TTC34: variants seen among roughly 807,000 people sequenced by gnomAD.
TTC34 encodes the protein tetratricopeptide repeat protein 34.
A neutral mutation model predicts 40.7 loss-of-function variants in TTC34; 44 were observed. That is an observed-to-expected ratio of 1.08 (90% CI 0.85 to 1.39). The LOEUF is 1.39. Ranked by LOEUF, TTC34 falls within the 40% of genes most tolerant of loss-of-function variation. The pLI is 0.00. For synonymous variants in TTC34, 422 were observed against 398.6 expected (o/e 1.06, Z -0.70); for missense variants, 884 against 838.0 (o/e 1.05, Z -0.68).
rs1197944813 is a variant in TTC34 at position 2,691,182 on chromosome 1, C to T, written c.2227-45619G>A. ...GACAGACTGGAACAGCACCCTGCTTCCCCAGGTGAGCATCTGACGGCCTGG... is the reference window on the plus strand; with the variant it reads ...GACAGACTGGAACAGCACCCTGCTTTCCCAGGTGAGCATCTGACGGCCTGG... On this transcript the variant is annotated intron_variant, in intron 6 of 8. Transcript: ENST00000401095. 5.4e-5 allele frequency among the ~76,000 whole-genome samples: 4 copies of T among 73,404 alleles called. 2 individuals are homozygous for T. The highest frequency in any genetic ancestry group is 1.3e-4 in the Non-Finnish European group (4 of 30,884). The allele number at this position is 73,404 out of a possible 152,430, so 48.2% of individuals were successfully genotyped here.
exon 2 of TTC34, chr1:2,800,441 C>T: frequency 2.5e-6 from 1 of 398,492 alleles, no homozygotes. Flanking sequence ...CATGAGAGTC[C>T]AGCAGGGCGC....
At chr1:2,685,879 C>T (rs199672037) in intron 6 of TTC34, among the ~76,000 whole-genome samples, 6 of 97,090 alleles carry the variant, frequency 6.2e-5, no homozygotes, top group African/African-American at 9.8e-5. Context: ...GCACCCTGCA[C>T]CCCCAGGTGA....
intron 2 of TTC34, among the ~76,000 whole-genome samples, chr1:2,792,779 A>AT (rs1286929750): frequency 6.6e-6 from 1 of 152,060 alleles, no homozygotes; most frequent in Non-Finnish European, 1.5e-5. Context: ...CTTTCCATCC[A>AT]TTTTTCTCAG....
intron 6 of TTC34, among the ~76,000 whole-genome samples, chr1:2,698,495 G>A (rs1421230278): frequency 7.7e-6 from 1 of 129,834 alleles, no homozygotes. Flanking sequence ...ACTCCCAGGC[G>A]AGCATCTGAC....
At position 2,750,763 on chromosome 1, in the gene TTC34, A is replaced by G. The variant is rs1641293333; in HGVS notation, c.2226+32846T>C. On this transcript the variant is annotated intron_variant, in intron 6 of 8. Coordinates refer to ENST00000401095, the Ensembl canonical transcript of TTC34. The stretch of plus-strand genomic sequence containing the variant: ...CATCTGATGGTCTGGAGCAGCACGC[A>G]TAAACACAGGTGAACATCGGAGAGT... Among the ~76,000 whole-genome samples, 2 of 91,630 alleles carry G rather than the reference A, an allele frequency of 2.2e-5. 1 individual carries two copies. The highest frequency in any genetic ancestry group is 9.1e-5 in the African/African-American group (2 of 21,932). The allele number at this position is 91,630 out of a possible 152,430, so 60.1% of individuals were successfully genotyped here. A position where few individuals can be genotyped will look rare whatever the true frequency, so the allele number is the denominator to read the frequency against.
intron 6 of TTC34, among the ~76,000 whole-genome samples, chr1:2,768,407 A>G (rs1641861854): frequency 6.6e-6 from 1 of 151,644 alleles, no homozygotes; most frequent in Non-Finnish European, 1.5e-5. Context: ...GCCCGGAACA[A>G]CACCCTCCAC....
At chr1:2,777,773 C>A (rs1643326146) in intron 6 of TTC34, among the ~76,000 whole-genome samples, 1 of 152,128 alleles carries the variant, frequency 6.6e-6, no homozygotes, top group Admixed American at 6.5e-5. Flanking sequence ...CTCCTACCGT[C>A]ACTCCCACAT....
chr1:2,684,796 C>T (rs536977490), intron 6 of TTC34, among the ~76,000 whole-genome samples: 72 of 97,162 alleles, frequency 7.4e-4, no homozygotes, highest in African/African-American at 3.1e-3. Flanking sequence ...AGCACCCACA[C>T]CCCCAGGTGA....
intron 6 of TTC34, among the ~76,000 whole-genome samples, chr1:2,757,894 C>G (rs1299647257): frequency 2.1e-5 from 3 of 146,286 alleles, no homozygotes; most frequent in East Asian, 2.0e-4. Context: ...CTCTGACAGC[C>G]TGGAACAGCA....
exon 9 of TTC34, chr1:2,641,224 G>A (rs2100984261): frequency 3.4e-6 from 3 of 881,746 alleles, no homozygotes; most frequent in Non-Finnish European, 3.2e-6. Flanking sequence ...GAAGGGGTGT[G>A]TGGGGAGGGC....
chr1:2,749,657 T>A (rs1641253891), intron 6 of TTC34, among the ~76,000 whole-genome samples: 2 of 105,876 alleles, frequency 1.9e-5, no homozygotes. Flanking sequence ...GAGGTGAGCA[T>A]CCGACAGCCT....
intron 6 of TTC34, chr1:2,776,204 A>C (rs1460997878): frequency 8.8e-6 from 1 of 113,118 alleles, no homozygotes; most frequent in Non-Finnish European, 1.7e-5. Context: ...GGCACTCCAC[A>C]CAGCCAGGTG....
intron 6 of TTC34, among the ~76,000 whole-genome samples, chr1:2,767,582 C>A (rs1386405706): frequency 5.7e-5 from 7 of 123,772 alleles, no homozygotes; most frequent in African/African-American, 2.3e-4. Context: ...GAGCATCTGA[C>A]AGTCTGGAAC....
chr1:2,691,022 A>C (rs58055515), intron 6 of TTC34, among the ~76,000 whole-genome samples: 5 of 69,992 alleles, frequency 7.1e-5, no homozygotes, highest in Non-Finnish European at 1.1e-4. Context: ...AACCCACACC[A>C]ACAGGCGAGC....
intron 6 of TTC34, among the ~76,000 whole-genome samples, chr1:2,782,828 C>T (rs561615725): frequency 1.3e-5 from 2 of 152,166 alleles, no homozygotes; most frequent in African/African-American, 4.8e-5. Context: ...GGTTGCTTAG[C>T]TGGACCCAAC....
chr1:2,655,294 C>T (rs1639304539), intron 6 of TTC34, among the ~76,000 whole-genome samples: 1 of 101,094 alleles, frequency 9.9e-6, no homozygotes, highest in African/African-American at 3.7e-5. Flanking sequence ...CTCTCACAAC[C>T]CCAGGTGAGC....
At chr1:2,652,063 A>G (rs1237703365) in intron 6 of TTC34, among the ~76,000 whole-genome samples, 3 of 106,288 alleles carry the variant, frequency 2.8e-5, no homozygotes, top group Admixed American at 9.6e-5. Flanking sequence ...AGCATCTGAC[A>G]GCCTGGAGGA....
chr1:2,749,043 C>G (rs1217257718), intron 6 of TTC34, among the ~76,000 whole-genome samples: 332 of 122,502 alleles, frequency 2.7e-3, no homozygotes, highest in East Asian at 3.3e-3. Flanking sequence ...CACCCACACC[C>G]CCAGGTGAGA....
At chr1:2,748,483 C>T (rs1569683068) in intron 6 of TTC34, among the ~76,000 whole-genome samples, 3 of 149,892 alleles carry the variant, frequency 2.0e-5, no homozygotes, top group Non-Finnish European at 3.0e-5. Context: ...CCCCACATCC[C>T]CGGGTGAGCA....
Sources: allele counts gnomAD v4.1 joint callset (sites outside exome capture counted in the v4.1 genomes callset), GRCh38; gene constraint gnomAD v4.1.1; transcripts MANE v1.5; gene names NCBI Gene and HGNC (gene_info 2026-07-23, HGNC 2026-07-21).